Variants in MAP3K13 observed in about 807,000 individuals in gnomAD.
MAP3K13 encodes mitogen-activated protein kinase kinase kinase 13, also known as leucine zipper-bearing kinase.
Under a neutral mutation model 104.0 loss-of-function variants are expected in MAP3K13, and 52 were observed. The observed-to-expected ratio is 0.50, with a 90% confidence interval of 0.40 to 0.63. The LOEUF is 0.63. Ranked by LOEUF, MAP3K13 falls within the 20% of genes least tolerant of loss-of-function variation. The pLI, the probability that MAP3K13 is intolerant of heterozygous loss-of-function variation, is 0.00. For synonymous variants in MAP3K13, 394 were observed against 442.2 expected (o/e 0.89, Z 1.37); for missense variants, 914 against 1,218.5 (o/e 0.75, Z 3.72).
Position 185,428,490 on chromosome 3 carries a change from T to A in MAP3K13, c.-85-7T>A. 6.8e-7 allele frequency: 1 copy of A among 1,478,308 alleles called. No homozygotes were observed. The highest frequency in any genetic ancestry group is 1.5e-5 in the South Asian group (1 of 68,678). The allele number at this position is 1,478,308 out of a possible 1,614,324, so 91.6% of individuals were successfully genotyped here. A position where few individuals can be genotyped will look rare whatever the true frequency, so the allele number is the denominator to read the frequency against. ...ATGATCTCTTATCTCCCTCCTGTTT[T>A]TCTCAGGTTTTGGAGCCCTCTCTTA... On this transcript the variant is annotated splice_region_variant and splice_polypyrimidine_tract_variant and intron_variant, in intron 1 of 13. Transcript: ENST00000265026.
chr3:185,358,231 G>A (rs112566904), upstream of MAP3K13, among the ~76,000 whole-genome samples: 175 of 152,228 alleles, frequency 1.1e-3, 1 homozygote, highest in African/African-American at 4.0e-3. Flanking sequence ...CTTCCCAGCA[G>A]CAGGGTCGAA....
chr3:185,443,082 A>G (rs979217276), intron 3 of MAP3K13, among the ~76,000 whole-genome samples: 1 of 152,040 alleles, frequency 6.6e-6, no homozygotes, highest in African/African-American at 2.4e-5. Flanking sequence ...CCTGTGATCC[A>G]CCCGCCTTGG....
chr3:185,455,532 A>ACATATATAT (rs1473879835), intron 7 of MAP3K13, among the ~76,000 whole-genome samples: 6,993 of 31,022 alleles, frequency 0.23, 3,252 homozygotes, highest in Middle Eastern at 0.56. Flanking sequence ...GATATATATG[A>ACATATATAT]GATATATATG....
At chr3:185,468,847 T>G (rs920607588) in intron 10 of MAP3K13, among the ~76,000 whole-genome samples, 4 of 152,224 alleles carry the variant, frequency 2.6e-5, no homozygotes, top group African/African-American at 9.6e-5. Flanking sequence ...TTGTACTAAT[T>G]AGGGACAGAG....
chr3:185,322,206 G>A (rs764732111), intron 2 of MAP3K13, among the ~76,000 whole-genome samples: 12 of 152,170 alleles, frequency 7.9e-5, no homozygotes, highest in Non-Finnish European at 1.6e-4. Flanking sequence ...CACGTTAAGT[G>A]GAATTCTATT....
At chr3:185,320,481 C>T (rs967610325) in intron 2 of MAP3K13, among the ~76,000 whole-genome samples, 2 of 152,108 alleles carry the variant, frequency 1.3e-5, no homozygotes, top group East Asian at 3.8e-4. Context: ...GTAGAGATCT[C>T]AATCAGAATT....
chr3:185,451,526 AAT>A, intron 7 of MAP3K13, 131 bp downstream of exon 7: 1 of 630,692 alleles, frequency 1.6e-6, no homozygotes, highest in South Asian at 1.9e-5. Flanking sequence ...TGACACAATA[AAT>A]ATGATACTTC....
intron 2 of MAP3K13, among the ~76,000 whole-genome samples, chr3:185,346,846 A>G (rs1259745045): frequency 6.6e-6 from 1 of 152,092 alleles, no homozygotes. Flanking sequence ...TTGCTTGTTC[A>G]TGACCTTTTC....
In MAP3K13 at chr3:185,423,767, C is replaced by A. The variant is rs1340155514; in HGVS notation, c.-85-4730C>A. ...CACTGTATCGTAAGCTTTCAGAGCC[C>A]ACGTGTGGCAGCAGGAGTTACCCTT... is the stretch of plus-strand genomic sequence containing the variant. On this transcript the variant is annotated intron_variant, in intron 1 of 13. Transcript: ENST00000265026. The surrounding 1 kb of genome is among the most constrained non-coding windows in gnomAD (Gnocchi z 4.1). 6.6e-6 allele frequency among the ~76,000 whole-genome samples: 1 copy of A among 152,168 alleles called. No homozygotes were observed. The highest frequency in any genetic ancestry group is 2.4e-5 in the African/African-American group (1 of 41,436).
chr3:185,417,527 G>T, intron 1 of MAP3K13: 2 of 1,610,224 alleles, frequency 1.2e-6, no homozygotes, highest in Non-Finnish European at 1.7e-6. Context: ...TCTGTAGTAG[G>T]TTTCTTTTCT....
intron 1 of MAP3K13, among the ~76,000 whole-genome samples, chr3:185,402,341 A>G (rs1712862470): frequency 6.6e-6 from 1 of 152,060 alleles, no homozygotes; most frequent in South Asian, 2.1e-4. Context: ...TTTTTCTACA[A>G]ATTATTTTTA....
At chr3:185,378,449 C>T (rs11706590) in intron 1 of MAP3K13, among the ~76,000 whole-genome samples, 38,753 of 151,974 alleles carry the variant, frequency 0.25, 5,096 homozygotes, top group Admixed American at 0.3. Flanking sequence ...TCCAGCCACC[C>T]TTTAAAGAGG....
chr3:185,447,204 A>G (rs1399484272), intron 4 of MAP3K13, among the ~76,000 whole-genome samples: 3 of 152,258 alleles, frequency 2.0e-5, no homozygotes, highest in Non-Finnish European at 2.9e-5. Flanking sequence ...AGAAGAGTTA[A>G]GTAAGGCCGG....
intron 7 of MAP3K13, among the ~76,000 whole-genome samples, chr3:185,462,096 A>AG (rs1717141049): frequency 6.6e-6 from 1 of 152,218 alleles, no homozygotes; most frequent in Non-Finnish European, 1.5e-5. Flanking sequence ...AAGATTATAT[A>AG]GATACATTTA....
Position 185,380,953 on chromosome 3 carries a change from T to G in MAP3K13, c.-86+17585T>G, listed in dbSNP as rs973549334. Among the ~76,000 whole-genome samples the G allele has an allele frequency of 2.8e-3, 421 of 150,528 alleles. 4 individuals carry two copies. Among genetic ancestry groups the G allele is most frequent in the African/African-American group, 9.7e-3 (398 of 41,156 alleles). ...AAGAGGAAGAAGGTTTTTTTGTTTT[T>G]TTTTTGTTTTTTTTTGTTTTTCTTT... On this transcript the variant is annotated intron_variant, in intron 1 of 13. Transcript: ENST00000265026.
chr3:185,339,326 T>C (rs1390507426), intron 2 of MAP3K13, among the ~76,000 whole-genome samples: 1 of 152,060 alleles, frequency 6.6e-6, no homozygotes, highest in East Asian at 1.9e-4. Context: ...CTCAAAAAAC[T>C]ACTAAACTAA....
At chr3:185,389,658 T>C (rs915475886) in intron 1 of MAP3K13, among the ~76,000 whole-genome samples, 15 of 151,930 alleles carry the variant, frequency 9.9e-5, no homozygotes, top group African/African-American at 3.1e-4. Context: ...CGCCGTATTT[T>C]AGTCGGGCAG....
At chr3:185,313,188 CA>C (rs1305246839) in intron 2 of MAP3K13, among the ~76,000 whole-genome samples, 53 of 131,132 alleles carry the variant, frequency 4.0e-4, no homozygotes, top group Admixed American at 4.7e-4. Flanking sequence ...GACTCCATCT[CA>C]AAAAAAAAAA....
chr3:185,288,425 A>T (rs531503277), intron 2 of MAP3K13, among the ~76,000 whole-genome samples: 1 of 150,722 alleles, frequency 6.6e-6, no homozygotes, highest in Admixed American at 6.6e-5. Context: ...GAGAATATAT[A>T]TATTCCAGAA....
Sources: allele counts gnomAD v4.1 joint callset (sites outside exome capture counted in the v4.1 genomes callset), GRCh38; gene constraint gnomAD v4.1.1; non-coding constraint Gnocchi (gnomAD v3.1); transcripts MANE v1.5; gene names NCBI Gene and HGNC (gene_info 2026-07-23, HGNC 2026-07-21).